The following NET1 variants were observed in gnomAD, a reference collection of about 807,000 sequenced individuals.
NET1 encodes the protein neuroepithelial cell transforming 1.
A neutral mutation model predicts 61.1 loss-of-function variants in NET1; 42 were observed. That is an observed-to-expected ratio of 0.69 (90% CI 0.54 to 0.89). NET1 has a LOEUF of 0.89. Among genes scored for constraint, NET1 ranks in the 40% least tolerant of loss-of-function variants. NET1 has a pLI of 0.00. For synonymous variants in NET1, 254 were observed against 281.8 expected, an observed-to-expected ratio of 0.90 and a Z score of 0.99; for missense variants, 654 against 747.3, an observed-to-expected ratio of 0.88 and a Z score of 1.46.
chr10:5,432,465 T>C (rs1832363178), intron 3 of NET1, among the ~76,000 whole-genome samples: 1 of 152,182 alleles, frequency 6.6e-6, no homozygotes. Context: ...TTTAAACCTA[T>C]AGGTTATAAC....
At chr10:5,433,156 G>A (rs1436450802) in intron 3 of NET1, among the ~76,000 whole-genome samples, 1 of 152,136 alleles carries the variant, frequency 6.6e-6, no homozygotes, top group Non-Finnish European at 1.5e-5. Flanking sequence ...GAGCTATACT[G>A]TAGACCCTGA....
At chr10:5,430,376 CTT>C (rs34200273) in intron 3 of NET1, among the ~76,000 whole-genome samples, 12 of 139,828 alleles carry the variant, frequency 8.6e-5, no homozygotes, top group Admixed American at 1.4e-4. Context: ...TAGATAAAAA[CTT>C]TTTTTTTTTT....
chr10:5,414,995 T>G (rs1209084424), intron 1 of NET1, among the ~76,000 whole-genome samples: 1 of 152,086 alleles, frequency 6.6e-6, no homozygotes, highest in Non-Finnish European at 1.5e-5. Flanking sequence ...AGAAGAACCA[T>G]GGAGAGAAAA....
chr10:5,418,388 T>G (rs1020504842), intron 1 of NET1, among the ~76,000 whole-genome samples: 9 of 152,190 alleles, frequency 5.9e-5, no homozygotes, highest in African/African-American at 2.2e-4. Flanking sequence ...AGGTTGTATC[T>G]CTTTAGGAAT....
Position 5,454,674 on chromosome 10 carries a change from C to A in NET1, c.1026+152C>A. 1.1e-6 allele frequency: 1 copy of A among 927,364 alleles called. No individual in the cohort carries two copies. The highest frequency in any genetic ancestry group is 1.6e-6 in the Non-Finnish European group (1 of 625,460). The allele number at this position is 927,364 out of a possible 1,614,324, so 57.4% of individuals were successfully genotyped here. On this transcript the variant is annotated intron_variant, in intron 9 of 11. Transcript: ENST00000355029. The surrounding 1 kb of genome is among the most constrained non-coding windows in gnomAD (Gnocchi z 8.1). ...GTGCGTTAGTACGCTGTGCACTAAG[C>A]AATAAGGAGCTGTGTATGCTGGACT...
At chr10:5,429,538 A>G (rs910134195) in intron 3 of NET1, among the ~76,000 whole-genome samples, 1 of 152,308 alleles carries the variant, frequency 6.6e-6, no homozygotes, top group African/African-American at 2.4e-5. Flanking sequence ...GCCGGTGGTG[A>G]AAAGGAGAGC....
At position 5,457,218 on chromosome 10, in the gene NET1, G is replaced by T. The variant is rs1314452170; in HGVS notation, c.*224G>T. 5 of 354,628 alleles carry T rather than the reference G, an allele frequency of 1.4e-5. No homozygotes were observed. Among genetic ancestry groups the T allele is most frequent in the Admixed American group, 1.3e-4 (3 of 22,496 alleles). The allele number at this position is 354,628 out of a possible 1,614,324, so 22.0% of individuals were successfully genotyped here. On this transcript the variant is annotated 3_prime_UTR_variant, in exon 12 of 12. Coordinates refer to ENST00000355029, the MANE Select transcript of NET1 (RefSeq NM_001047160.3). The surrounding 1 kb of genome is among the most constrained non-coding windows in gnomAD (Gnocchi z 5.4). The stretch of plus-strand genomic sequence containing the variant: ...TAAAGATATTTTCTTGAATTATTTA[G>T]AACATGGTAAGCCTGGTATTTTTTA...
At position 5,441,310 on chromosome 10, in the gene NET1, C is replaced by T. The variant is rs562297615; in HGVS notation, c.256-10520C>T. 3.3e-5 allele frequency among the ~76,000 whole-genome samples: 5 copies of T among 152,370 alleles called. 1 individual carries two copies. The South Asian group carries it at 1.0e-3, about 32-fold the overall frequency. ...AGCCCAGGGTGGAAGGCAAGAGATA[C>T]ACAGTGCAGCTGAGGCAAGGGACTG... On this transcript the variant is annotated intron_variant, in intron 3 of 11. Coordinates refer to ENST00000355029, the MANE Select transcript of NET1 (RefSeq NM_001047160.3). This position sits in a 1 kb window ranked among gnomAD's most constrained non-coding sequence, Gnocchi z 4.6.
intron 3 of NET1, among the ~76,000 whole-genome samples, chr10:5,450,466 T>G (rs1218535628): frequency 6.6e-6 from 1 of 152,066 alleles, no homozygotes; most frequent in Non-Finnish European, 1.5e-5. Context: ...CCAAAAATGG[T>G]CAATATAGTC....
intron 1 of NET1, among the ~76,000 whole-genome samples, chr10:5,425,695 A>G (rs1441737420): frequency 6.6e-6 from 1 of 151,982 alleles, no homozygotes; most frequent in Non-Finnish European, 1.5e-5. Flanking sequence ...GAAACTTCAC[A>G]CTCGTCTACC....
chr10:5,436,225 C>CATATAT (rs1411296575), intron 3 of NET1, among the ~76,000 whole-genome samples: 926 of 24,470 alleles, frequency 0.038, 20 homozygotes, highest in Non-Finnish European at 0.045. Context: ...TGTGTGTGTG[C>CATATAT]ATATATATAT....
chr10:5,419,357 T>G (rs2119166093), intron 1 of NET1, among the ~76,000 whole-genome samples: 1 of 152,316 alleles, frequency 6.6e-6, no homozygotes, highest in Middle Eastern at 3.4e-3. Context: ...TGATCCTGTC[T>G]GGCTGTCCAT....
chr10:5,416,365 T>G lies in NET1; in HGVS notation c.128+3545T>G, dbSNP rs926711146. Among the ~76,000 whole-genome samples the G allele has an allele frequency of 2.0e-5, 3 of 152,194 alleles. No homozygotes were observed. The highest frequency in any genetic ancestry group is 2.0e-4 in the Admixed American group (3 of 15,268). On this transcript the variant is annotated intron_variant, in intron 1 of 11. Coordinates refer to ENST00000355029, the MANE Select transcript of NET1 (RefSeq NM_001047160.3). This position sits in a 1 kb window ranked among gnomAD's most constrained non-coding sequence, Gnocchi z 6.1. Reference sequence around the variant, plus strand: ...CTTTGTTCTTTTTTTCCCAAGATTGTTGTGGCTATCCTGGGTCTCCTGCAA... The same window carrying G: ...CTTTGTTCTTTTTTTCCCAAGATTGGTGTGGCTATCCTGGGTCTCCTGCAA...
chr10:5,456,866 A>C lies in NET1; in HGVS notation c.1663A>C (p.Arg555=). The C allele has an allele frequency of 6.2e-7, 1 of 1,614,180 alleles. No individual in the cohort carries two copies. Among genetic ancestry groups the C allele is most frequent in the African/African-American group, 1.3e-5 (1 of 75,066 alleles). Residue 555 remains arginine, a synonymous_variant, in exon 12 of 12, where the codon AGA becomes CGA. Coordinates refer to ENST00000355029, the MANE Select transcript of NET1 (RefSeq NM_001047160.3). This position sits in a 1 kb window ranked among gnomAD's most constrained non-coding sequence, Gnocchi z 7.0. ...TQVEVDENAY[R]CGSGMQMAED... ...GGTAGAAGTTGATGAAAACGCTTAC[A>C]GATGTGGCTCTGGCATGCAGATGGC...
rs1832309215 is a variant in NET1 at position 5,429,194 on chromosome 10, G to A, written c.220G>A (p.Asp74Asn). The change falls in exon 3 of 12, where the codon GAT (aspartate) becomes AAT (asparagine). Residue 74 changes from aspartate (D) to asparagine (N), a missense_variant. Physicochemically the swap from Asp to Asn is conservative, Grantham distance 23. Coordinates refer to ENST00000355029, the MANE Select transcript of NET1 (RefSeq NM_001047160.3). ...GAAAAGAAAACGCAGAGAGAAAGAT[G>A]ATGATGTTGTAAGCCTTAGCAGCCT... Reference protein sequence around the residue: ...TLKRKRREKDDDVVSLSSLDL... With the variant: ...TLKRKRREKDNDVVSLSSLDL... The A allele has an allele frequency of 6.2e-7, 1 of 1,610,612 alleles. No homozygotes were observed. The highest frequency in any genetic ancestry group is 1.1e-5 in the South Asian group (1 of 90,322).
In NET1 at chr10:5,440,776, C is replaced by G. The variant is rs1210964479; in HGVS notation, c.256-11054C>G. On this transcript the variant is annotated intron_variant, in intron 3 of 11. Transcript: ENST00000355029. This position sits in a 1 kb window ranked among gnomAD's most constrained non-coding sequence, Gnocchi z 4.1. ...TCATTACAATTACCACTGCCCCTCT[C>G]TTGTTCATTTGCCACCACTACTATG... Among the ~76,000 whole-genome samples the G allele has an allele frequency of 6.6e-6, 1 of 152,222 alleles. No homozygotes were observed. The highest frequency in any genetic ancestry group is 2.4e-5 in the African/African-American group (1 of 41,464).
intron 3 of NET1, among the ~76,000 whole-genome samples, chr10:5,448,034 A>G (rs1832644879): frequency 6.6e-6 from 1 of 152,232 alleles, no homozygotes; most frequent in Non-Finnish European, 1.5e-5. Context: ...TATTTCTAGA[A>G]AAGGAATTCA....
intron 3 of NET1, among the ~76,000 whole-genome samples, chr10:5,433,494 A>G (rs749278384): frequency 6.6e-6 from 1 of 152,224 alleles, no homozygotes; most frequent in East Asian, 1.9e-4. Context: ...GTAGATTCTC[A>G]GGCAGTGTTC....
intron 3 of NET1, among the ~76,000 whole-genome samples, chr10:5,442,869 C>G (rs1822495300): frequency 1.9e-5 from 2 of 104,560 alleles, no homozygotes; most frequent in Non-Finnish European, 4.0e-5. Flanking sequence ...AGAGCAAGAC[C>G]CTGTCTTTAA....
Sources: allele counts gnomAD v4.1 joint callset (sites outside exome capture counted in the v4.1 genomes callset), GRCh38; gene constraint gnomAD v4.1.1; non-coding constraint Gnocchi (gnomAD v3.1); transcripts MANE v1.5; gene names NCBI Gene and HGNC (gene_info 2026-07-23, HGNC 2026-07-21).